The following LSM14A variants were observed in gnomAD, a reference collection of about 807,000 sequenced individuals.
The protein encoded by LSM14A is LSM14A mRNA processing body assembly factor.
LSM14A carries 14 observed loss-of-function variants against 52.4 expected under a neutral mutation model. The observed-to-expected ratio is 0.27, with a 90% CI of 0.18 to 0.42. The LOEUF (loss-of-function observed/expected upper bound fraction) is 0.42, where lower values mean the gene tolerates loss of function less well. Among genes scored for constraint, LSM14A ranks in the 10% least tolerant of loss-of-function variants. The probability of loss-of-function intolerance (pLI) is 1.00; values close to 1 mark genes in which losing one functional copy is unlikely to be tolerated. For missense variants in LSM14A, 417 were observed against 581.8 expected, an observed-to-expected ratio of 0.72 and a Z score of 2.91; for synonymous variants, 185 against 200.3, an observed-to-expected ratio of 0.92 and a Z score of 0.64.
Position 34,172,791 on chromosome 19 carries a change from G to C in LSM14A, c.121+28G>C, listed in dbSNP as rs762476538. On this transcript the variant is annotated intron_variant, in intron 1 of 9. Transcript: ENST00000544216. ...ACGCGGGACCGGGCCTCAGGGTGGG[G>C]GCCGAGCCGGGCGCCGCTCGGGGCT... 2.6e-6 allele frequency: 4 copies of C among 1,550,818 alleles called. No homozygotes were observed. In the Admixed American group the frequency reaches 8.0e-5, roughly 31 times the overall value.
chr19:34,179,972 A>G (rs981208763), intron 1 of LSM14A, among the ~76,000 whole-genome samples: 20 of 152,356 alleles, frequency 1.3e-4, no homozygotes, highest in South Asian at 2.1e-4. Context: ...TCTGTTGCCC[A>G]GGCTGGAGTG....
At chr19:34,184,137 C>G (rs2069711871) in intron 1 of LSM14A, among the ~76,000 whole-genome samples, 1 of 150,282 alleles carries the variant, frequency 6.7e-6, no homozygotes, top group African/African-American at 2.5e-5. Context: ...CTCACTGCAG[C>G]TTCTGCCTCC....
At chr19:34,203,466 A>AG (rs991311776) in intron 3 of LSM14A, among the ~76,000 whole-genome samples, 3 of 152,170 alleles carry the variant, frequency 2.0e-5, no homozygotes, top group South Asian at 2.1e-4. Flanking sequence ...GCATAAAGCC[A>AG]GGGGGGTGTT....
intron 1 of LSM14A, among the ~76,000 whole-genome samples, chr19:34,188,807 A>C (rs1315419053): frequency 6.6e-6 from 1 of 151,662 alleles, no homozygotes; most frequent in Non-Finnish European, 1.5e-5. Context: ...TGGCTGAATA[A>C]TATTTCATTA....
chr19:34,224,378 A>G (rs754215525), intron 9 of LSM14A, among the ~76,000 whole-genome samples: 2 of 152,222 alleles, frequency 1.3e-5, no homozygotes, highest in African/African-American at 4.8e-5. Flanking sequence ...TGTGTGCTCC[A>G]TGTGGTTACT....
intron 1 of LSM14A, among the ~76,000 whole-genome samples, chr19:34,176,243 A>C (rs2069082533): frequency 6.6e-6 from 1 of 152,024 alleles, no homozygotes; most frequent in South Asian, 2.1e-4. Context: ...ATTAAGAGTT[A>C]ATCTCTTTGA....
chr19:34,184,306 G>A (rs917468342), intron 1 of LSM14A, among the ~76,000 whole-genome samples: 1 of 152,146 alleles, frequency 6.6e-6, no homozygotes, highest in Non-Finnish European at 1.5e-5. Flanking sequence ...ACCTGCCTCG[G>A]CCTTCCAAAG....
At chr19:34,201,606 G>T (rs1303172163) in intron 3 of LSM14A, among the ~76,000 whole-genome samples, 1 of 152,168 alleles carries the variant, frequency 6.6e-6, no homozygotes, top group Non-Finnish European at 1.5e-5. Flanking sequence ...CTCCCAAAGT[G>T]CTGGGATTAC....
intron 3 of LSM14A, among the ~76,000 whole-genome samples, chr19:34,198,692 T>C (rs897396059): frequency 2.0e-5 from 3 of 148,840 alleles, no homozygotes; most frequent in African/African-American, 5.0e-5. Context: ...ATTGATAATA[T>C]AACCACACAG....
chr19:34,209,837 G>A (rs2145783725), intron 4 of LSM14A, among the ~76,000 whole-genome samples: 1 of 150,262 alleles, frequency 6.7e-6, no homozygotes, highest in Middle Eastern at 3.5e-3. Context: ...TGAGCCATTG[G>A]GCCTGGCTTT....
intron 8 of LSM14A, chr19:34,221,272 T>C (rs626467): frequency 0.33 from 164,853 of 496,914 alleles, 30,138 homozygotes; most frequent in African/African-American, 0.4. Context: ...TGGTAGAGAA[T>C]GAGTTTCACC....
intron 2 of LSM14A, 128 bp from the exon 3 acceptor site, chr19:34,196,506 T>G: frequency 1.2e-6 from 1 of 844,192 alleles, no homozygotes; most frequent in Non-Finnish European, 1.7e-6. Context: ...TAAGTGCATA[T>G]TGTAATTCAT....
At chr19:34,212,808 G>A (rs1040958122) in intron 4 of LSM14A, among the ~76,000 whole-genome samples, 3 of 152,148 alleles carry the variant, frequency 2.0e-5, no homozygotes, top group Non-Finnish European at 4.4e-5. Flanking sequence ...GGCTTTTTAA[G>A]TACACAACAA....
intron 1 of LSM14A, among the ~76,000 whole-genome samples, chr19:34,187,280 AT>A (rs755185854): frequency 2.6e-3 from 381 of 145,694 alleles, no homozygotes; most frequent in Middle Eastern, 3.5e-3. Context: ...GCTTTGGGAA[AT>A]TTTTTTTTTT....
chr19:34,183,787 T>A (rs16969020), intron 1 of LSM14A, among the ~76,000 whole-genome samples: 1,571 of 152,184 alleles, frequency 0.01, 31 homozygotes, highest in Admixed American at 0.044. Context: ...ACTAGAAGAT[T>A]GAAGTAATTG....
chr19:34,217,997 T>A (rs1001792999), intron 6 of LSM14A, among the ~76,000 whole-genome samples: 1 of 140,776 alleles, frequency 7.1e-6, no homozygotes, highest in South Asian at 2.2e-4. Context: ...CAAAACCTTT[T>A]TTTTTTTTTT....
intron 4 of LSM14A, 75 bp downstream of exon 4, chr19:34,209,126 T>C: frequency 7.7e-7 from 1 of 1,293,336 alleles, no homozygotes; most frequent in Non-Finnish European, 1.0e-6. Flanking sequence ...ATGTAAGAGC[T>C]TTTGCAGCTT....
intron 1 of LSM14A, among the ~76,000 whole-genome samples, chr19:34,179,269 A>C (rs1297898942): frequency 6.6e-6 from 1 of 152,250 alleles, no homozygotes; most frequent in Non-Finnish European, 1.5e-5. Flanking sequence ...AGTCTGGCTC[A>C]TTGGCATAAT....
rs779283714 is a variant in LSM14A at position 34,196,707 on chromosome 19, A to G, written c.359A>G (p.Tyr120Cys). The change falls in exon 3 of 10, where the codon TAC (tyrosine) becomes TGC (cysteine). Residue 120 changes from tyrosine (Y) to cysteine (C), a missense_variant. By Grantham distance (194) the Tyr-to-Cys change is radical. Transcript: ENST00000544216. ...SYGPFGRMPT[Y>C]SQFSPSSLVG... is the part of the protein sequence containing the mutation. ...GGACCTTTCGGCAGGATGCCCACAT[A>G]CAGTCAGTTCAGTCCGAGTTCCTTA... 1.9e-6 allele frequency: 3 copies of G among 1,613,666 alleles called. No individual in the cohort carries two copies. Among genetic ancestry groups the G allele is most frequent in the South Asian group, 1.1e-5 (1 of 91,006 alleles).
Sources: gnomAD v4.1 joint callset for allele counts (sites outside exome capture counted in the v4.1 genomes callset) on GRCh38, gnomAD v4.1.1 for gene constraint, MANE v1.5 for transcripts, NCBI Gene and HGNC (gene_info 2026-07-23, HGNC 2026-07-21) for gene names.